CLEC9A: variants seen among roughly 807,000 people sequenced by gnomAD.
CLEC9A encodes C-type lectin domain family 9 member A.
CLEC9A carries 24 observed loss-of-function variants against 30.0 expected under a neutral mutation model. The observed-to-expected ratio is 0.80, with a 90% CI of 0.58 to 1.13. CLEC9A has a LOEUF of 1.13. Among genes scored for constraint, CLEC9A ranks in the 50% most tolerant of loss-of-function variants. The pLI is 0.00. For missense variants in CLEC9A, 251 were observed against 280.9 expected, an observed-to-expected ratio of 0.89 and a Z score of 0.76; for synonymous variants, 111 against 96.8, an observed-to-expected ratio of 1.15 and a Z score of -0.86.
At chr12:10,041,916 G>C (rs1865801314) in intron 2 of CLEC9A, among the ~76,000 whole-genome samples, 2 of 152,212 alleles carry the variant, frequency 1.3e-5, no homozygotes. Flanking sequence ...TTTGTGTCCT[G>C]TGTTGTTCTA....
intron 1 of CLEC9A, among the ~76,000 whole-genome samples, chr12:10,035,500 C>G (rs1865737299): frequency 6.6e-6 from 1 of 152,246 alleles, no homozygotes; most frequent in South Asian, 2.1e-4. Flanking sequence ...ACTTAACATA[C>G]TATGAATCCT....
chr12:10,064,161 T>C (rs1380437850), intron 7 of CLEC9A, among the ~76,000 whole-genome samples: 4 of 152,198 alleles, frequency 2.6e-5, no homozygotes, highest in Admixed American at 2.6e-4. Flanking sequence ...TTAGATGAAG[T>C]TCATTTCAAC....
rs759516680 is a variant in CLEC9A at position 10,064,780 on chromosome 12, T to C, written c.520T>C (p.Trp174Arg). 2 of 1,613,596 alleles carry C rather than the reference T, an allele frequency of 1.2e-6. No individual in the cohort carries two copies. The highest frequency in any genetic ancestry group is 1.1e-5 in the South Asian group (1 of 91,016). Residue 174 changes from tryptophan (W) to arginine (R), a missense_variant, in exon 8 of 9, where the codon TGG becomes CGG. Coordinates refer to ENST00000355819, the MANE Select transcript of CLEC9A (RefSeq NM_207345.4). ...LRKIKGSYDY[W>R]VGLSQDGHSG... The stretch of plus-strand genomic sequence containing the variant: ...GAAGATTAAAGGAAGCTATGATTAC[T>C]GGGTGGGGTTGTCTCAGGATGGACA...
At chr12:10,059,873 A>T (rs1057214262) in intron 5 of CLEC9A, among the ~76,000 whole-genome samples, 1 of 152,230 alleles carries the variant, frequency 6.6e-6, no homozygotes, top group African/African-American at 2.4e-5. Flanking sequence ...AGACCATCCA[A>T]CGAGAAAATG....
At position 10,065,546 on chromosome 12, in the gene CLEC9A, G is replaced by A. The variant is rs368520956; in HGVS notation, c.640G>A (p.Val214Met). 13 of 1,613,832 alleles carry A rather than the reference G, an allele frequency of 8.1e-6. No homozygotes were observed. The highest frequency in any genetic ancestry group is 4.5e-5 in the East Asian group (2 of 44,896). Reference protein sequence around the residue: ...SQSANQVCGYVKSNSLLSSNC... With the variant: ...SQSANQVCGYMKSNSLLSSNC... ...GTCAGCTAACCAAGTCTGTGGATACGTGAAAAGCAATTCCCTTCTTTCGTC... is the reference window on the plus strand; with the variant it reads ...GTCAGCTAACCAAGTCTGTGGATACATGAAAAGCAATTCCCTTCTTTCGTC... Residue 214 changes from valine (V) to methionine (M), a missense_variant, in exon 9 of 9, where the codon GTG (valine) becomes ATG (methionine). Physicochemically the swap from Val to Met is conservative, Grantham distance 21. Transcript: ENST00000355819.
intron 2 of CLEC9A, among the ~76,000 whole-genome samples, chr12:10,050,878 C>T (rs1054516302): frequency 5.3e-5 from 8 of 152,060 alleles, no homozygotes; most frequent in African/African-American, 1.2e-4. Flanking sequence ...TTTTCAGATT[C>T]GAATCTCAGG....
intron 5 of CLEC9A, among the ~76,000 whole-genome samples, chr12:10,059,491 T>G (rs534354792): frequency 6.6e-6 from 1 of 152,198 alleles, no homozygotes; most frequent in Non-Finnish European, 1.5e-5. Context: ...GACAAAATCT[T>G]CAGAATCTAA....
At chr12:10,046,781 C>T (rs534804894) in intron 2 of CLEC9A, among the ~76,000 whole-genome samples, 2 of 152,236 alleles carry the variant, frequency 1.3e-5, no homozygotes, top group African/African-American at 4.8e-5. Flanking sequence ...AGCACCATGA[C>T]ATAATTCTTG....
chr12:10,042,814 C>A (rs1459668620), intron 2 of CLEC9A, among the ~76,000 whole-genome samples: 5 of 152,078 alleles, frequency 3.3e-5, no homozygotes, highest in Non-Finnish European at 5.9e-5. Flanking sequence ...GCAATAAAAC[C>A]AAACCATGTA....
At chr12:10,056,387 C>T (rs1865943563) in intron 5 of CLEC9A, among the ~76,000 whole-genome samples, 1 of 151,972 alleles carries the variant, frequency 6.6e-6, no homozygotes, top group Non-Finnish European at 1.5e-5. Context: ...GCAAGAACAA[C>T]AAAAGAAAGA....
intron 1 of CLEC9A, chr12:10,040,958 G>A: frequency 5.7e-6 from 1 of 176,214 alleles, no homozygotes; most frequent in Non-Finnish European, 1.2e-5. Context: ...AGAACAAAAG[G>A]GCGGCTGGGT....
rs1308260782 is a variant in CLEC9A, at chr12:10,064,800, TGGACACAGC to T, written c.545_553del (p.His182_Gly184del). 6.2e-7 allele frequency: 1 copy of T among 1,613,694 alleles called. No homozygotes were observed. The stretch of plus-strand genomic sequence containing the variant: ...ATTACTGGGTGGGGTTGTCTCAGGA[TGGACACAGC>T]GGACGCTGGCTTTGGCAAGATGGCT... On this transcript the variant is annotated inframe_deletion, in exon 8 of 9. Coordinates refer to ENST00000355819, the MANE Select transcript of CLEC9A (RefSeq NM_207345.4).
chr12:10,040,833 AT>A, intron 1 of CLEC9A: 1 of 171,054 alleles, frequency 5.8e-6, no homozygotes, highest in Non-Finnish European at 1.3e-5. Context: ...GTTATTATTT[AT>A]TTTTTACATC....
chr12:10,043,770 C>T (rs570280968), intron 2 of CLEC9A, among the ~76,000 whole-genome samples: 5 of 152,016 alleles, frequency 3.3e-5, no homozygotes, highest in Admixed American at 3.3e-4. Context: ...CAACCTCCAC[C>T]TCCTGGGTTC....
intron 5 of CLEC9A, among the ~76,000 whole-genome samples, chr12:10,057,514 A>G (rs866471245): frequency 6.6e-6 from 1 of 151,962 alleles, no homozygotes; most frequent in Non-Finnish European, 1.5e-5. Context: ...AAAATTAATT[A>G]TGTCATATTT....
chr12:10,052,955 AGAGCAATACACGT>A (rs952251008), intron 4 of CLEC9A, 177 bp downstream of exon 4: 17 of 622,906 alleles, frequency 2.7e-5, no homozygotes, highest in African/African-American at 2.6e-4. Flanking sequence ...AAAAATAAAG[AGAGCAATACACGT>A]GATAAACGTG....
chr12:10,041,447 C>T lies in CLEC9A; in HGVS notation c.-317-19C>T, dbSNP rs1343382656. 1 of 388,288 alleles carries T rather than the reference C, an allele frequency of 2.6e-6. No individual in the cohort carries two copies. Among genetic ancestry groups the T allele is most frequent in the Non-Finnish European group, 5.1e-6 (1 of 197,902 alleles). 24.1% of individuals were successfully genotyped at this position (388,288 alleles called of 1,614,324 possible). On this transcript the variant is annotated intron_variant, in intron 1 of 8. Coordinates refer to ENST00000355819, the MANE Select transcript of CLEC9A (RefSeq NM_207345.4). ...CAATTTAAAAACAACAACAACATTC[C>T]TGTGCTTGGTTTCTCCAGGTGACTA...
At position 10,054,344 on chromosome 12, in the gene CLEC9A, C is replaced by G. The variant is rs747983479; in HGVS notation, c.165C>G (p.Gly55=). 6 of 1,607,126 alleles carry G rather than the reference C, an allele frequency of 3.7e-6. No homozygotes were observed. Among genetic ancestry groups the G allele is most frequent in the Non-Finnish European group, 1.7e-6 (2 of 1,174,538 alleles). The stretch of plus-strand genomic sequence containing the variant: ...TATTAACAGCATCCATTTTCTTGGG[C>G]GTCAAGTGTAAGTACTAAAAGATAT... ...MGLLTASIFL[G]VKLLQVSTIA... is the part of the protein sequence containing the mutation. The change falls in exon 5 of 9, where the codon GGC becomes GGG. Residue 55 remains glycine (G), a synonymous_variant. Transcript: ENST00000355819.
At position 10,035,575 on chromosome 12, in the gene CLEC9A, C is replaced by G. The variant is rs975453612; in HGVS notation, c.-318+4603C>G. ...AATCGCACTATTTCCCATAATCGCA[C>G]TGAGTAGATTAGATGATAGTACATT... is the stretch of plus-strand genomic sequence containing the variant. On this transcript the variant is annotated intron_variant, in intron 1 of 8. Coordinates refer to ENST00000355819, the MANE Select transcript of CLEC9A (RefSeq NM_207345.4). Among the ~76,000 whole-genome samples, 7 of 152,258 alleles carry G rather than the reference C, an allele frequency of 4.6e-5. 1 individual carries two copies. The East Asian group carries it at 9.6e-4, about 21-fold the overall frequency.
Sources: allele counts gnomAD v4.1 joint callset (sites outside exome capture counted in the v4.1 genomes callset), GRCh38; gene constraint gnomAD v4.1.1; transcripts MANE v1.5; gene names NCBI Gene and HGNC (gene_info 2026-07-23, HGNC 2026-07-21).